ASTN1: variants seen among roughly 807,000 people sequenced by gnomAD.
ASTN1 encodes astrotactin 1.
In ASTN1, 41 loss-of-function variants were observed where a neutral mutation model predicts 140.7. The ratio of observed to expected loss-of-function variants is 0.29; its 90% CI spans 0.23 to 0.38. The LOEUF (loss-of-function observed/expected upper bound fraction) is 0.38. Among genes scored for constraint, ASTN1 ranks in the 10% least tolerant of loss-of-function variants. ASTN1 has a pLI of 1.00. For missense variants in ASTN1, 1,479 were observed against 1,678.8 expected, an observed-to-expected ratio of 0.88 and a Z score of 2.08; for synonymous variants, 640 against 652.2, an observed-to-expected ratio of 0.98 and a Z score of 0.29.
intron 1 of ASTN1, among the ~76,000 whole-genome samples, chr1:177,090,550 T>G (rs530508868): frequency 6.6e-6 from 1 of 152,172 alleles, no homozygotes; most frequent in South Asian, 2.1e-4. Context: ...AGCTTAAAAC[T>G]AGAAAAGATT....
chr1:176,925,895 T>A (rs6699378), intron 16 of ASTN1, among the ~76,000 whole-genome samples: 54,379 of 150,994 alleles, frequency 0.36, 10,412 homozygotes, highest in Non-Finnish European at 0.42. Flanking sequence ...AAGCTCTGCC[T>A]CCCGGGTTCA....
chr1:176,981,995 T>A (rs892699474), intron 8 of ASTN1, among the ~76,000 whole-genome samples: 2 of 152,094 alleles, frequency 1.3e-5, no homozygotes, highest in African/African-American at 4.8e-5. Flanking sequence ...GCTTGCGAAG[T>A]CAACAGGAGG....
At chr1:176,997,005 A>T (rs925468009) in intron 8 of ASTN1, among the ~76,000 whole-genome samples, 1 of 152,212 alleles carries the variant, frequency 6.6e-6, no homozygotes, top group Admixed American at 6.5e-5. Context: ...CTACCCAGGG[A>T]CTGTTGGCCA....
intron 16 of ASTN1, among the ~76,000 whole-genome samples, chr1:176,929,801 G>A (rs1671125672): frequency 1.3e-5 from 2 of 152,208 alleles, no homozygotes; most frequent in East Asian, 1.9e-4. Context: ...GAGGTCAAGA[G>A]ATCAAGACCA....
At chr1:176,955,137 C>T (rs984755397) in intron 11 of ASTN1, among the ~76,000 whole-genome samples, 1 of 152,130 alleles carries the variant, frequency 6.6e-6, no homozygotes. Context: ...TAAAAATAGG[C>T]CTTTCTTGGG....
At chr1:177,016,737 C>A (rs149215979) in intron 7 of ASTN1, among the ~76,000 whole-genome samples, 115 of 152,258 alleles carry the variant, frequency 7.6e-4, no homozygotes, top group African/African-American at 2.5e-3. Flanking sequence ...TTGACAAATA[C>A]TGTGCAGTAG....
intron 8 of ASTN1, among the ~76,000 whole-genome samples, chr1:176,965,441 G>C (rs1316111805): frequency 1.3e-5 from 2 of 152,120 alleles, no homozygotes; most frequent in Non-Finnish European, 2.9e-5. Context: ...AAAAATCACT[G>C]AACTACTAGG....
At chr1:176,952,684 A>G (rs1396478083) in intron 11 of ASTN1, among the ~76,000 whole-genome samples, 1 of 152,136 alleles carries the variant, frequency 6.6e-6, no homozygotes, top group Non-Finnish European at 1.5e-5. Flanking sequence ...GAGTCTCCAA[A>G]CCATGCCCTT....
At chr1:176,950,376 T>A (rs1042004788) in intron 11 of ASTN1, among the ~76,000 whole-genome samples, 3 of 152,206 alleles carry the variant, frequency 2.0e-5, no homozygotes, top group African/African-American at 7.2e-5. Flanking sequence ...GTGGAGTCCG[T>A]AACTTAGCTG....
intron 1 of ASTN1, among the ~76,000 whole-genome samples, chr1:177,149,014 G>A (rs1021805865): frequency 7.1e-6 from 1 of 140,824 alleles, no homozygotes; most frequent in Non-Finnish European, 1.5e-5. Context: ...ATCTAGAAGA[G>A]AGGAAGGAGA....
chr1:176,881,827 C>T (rs1668811676), intron 20 of ASTN1, among the ~76,000 whole-genome samples: 1 of 152,222 alleles, frequency 6.6e-6, no homozygotes, highest in African/African-American at 2.4e-5. Flanking sequence ...GTTCATCTTG[C>T]AATCAATGCC....
At chr1:177,060,480 A>G (rs563155255) in intron 2 of ASTN1, among the ~76,000 whole-genome samples, 3 of 152,158 alleles carry the variant, frequency 2.0e-5, no homozygotes, top group Non-Finnish European at 4.4e-5. Context: ...TAATTGGATA[A>G]TTCCCATCTA....
intron 20 of ASTN1, among the ~76,000 whole-genome samples, chr1:176,880,612 T>C (rs561572410): frequency 2.6e-5 from 4 of 152,296 alleles, no homozygotes; most frequent in African/African-American, 9.6e-5. Flanking sequence ...CTCAGAATAA[T>C]GTTTTAAAAA....
At chr1:176,902,179 G>GA (rs201186577) in intron 16 of ASTN1, among the ~76,000 whole-genome samples, 24,981 of 152,064 alleles carry the variant, frequency 0.16, 2,544 homozygotes, top group Middle Eastern at 0.27. Context: ...TGAATTTTTT[G>GA]TTTAATTGAT....
rs747846402 is a variant in ASTN1 at position 176,864,439 on chromosome 1, G to A, written c.3730C>T (p.Arg1244Trp). ...GLLQEPKISL[R>W]RSSLKYLGCR... The stretch of plus-strand genomic sequence containing the variant: ...CCCAGGTACTTGAGTGAGCTGCGCC[G>A]CAAGCTTATCTTGGGTTCCTGAAGG... Residue 1244 changes from arginine to tryptophan, a missense_variant, in exon 23 of 23, where the codon CGG (arginine) becomes TGG (tryptophan). Transcript: ENST00000361833. The A allele has an allele frequency of 2.2e-5, 36 of 1,614,016 alleles. No homozygotes were observed. The East Asian group carries it at 4.0e-4, about 18-fold the overall frequency.
chr1:177,149,791 CAGTGTATAT>C (rs1204921121), intron 1 of ASTN1, among the ~76,000 whole-genome samples: 4 of 98,416 alleles, frequency 4.1e-5, no homozygotes, highest in Admixed American at 1.1e-4. Context: ...AATATATATA[CAGTGTATAT>C]ACATAGTAAA....
intron 1 of ASTN1, among the ~76,000 whole-genome samples, chr1:177,121,705 C>T (rs11583666): frequency 0.051 from 7,776 of 152,152 alleles, 238 homozygotes; most frequent in Admixed American, 0.061. Flanking sequence ...TCACATTTCA[C>T]AATTCCATGA....
rs557964794 is a variant in ASTN1 at position 177,094,539 on chromosome 1, T to C, written c.284-33274A>G. 1.9e-3 allele frequency among the ~76,000 whole-genome samples: 295 copies of C among 152,312 alleles called. 1 individual carries two copies. Among genetic ancestry groups the C allele is most frequent in the African/African-American group, 6.9e-3 (285 of 41,574 alleles). On this transcript the variant is annotated intron_variant, in intron 1 of 22. Coordinates refer to ENST00000361833, the MANE Select transcript of ASTN1 (RefSeq NM_004319.3). ...GAGAAGCCACCATCTTTGAACCAAC[T>C]TACCCAACACCAAATGTGCTAGTGG...
intron 1 of ASTN1, among the ~76,000 whole-genome samples, chr1:177,149,485 A>AATATATATAGT (rs1682912382): frequency 7.7e-5 from 3 of 38,890 alleles, no homozygotes; most frequent in Admixed American, 3.9e-4. Context: ...ATATATAGTA[A>AATATATATAGT]ATATATATAG....
Sources: allele counts gnomAD v4.1 joint callset (sites outside exome capture counted in the v4.1 genomes callset), GRCh38; gene constraint gnomAD v4.1.1; transcripts MANE v1.5; gene names NCBI Gene and HGNC (gene_info 2026-07-23, HGNC 2026-07-21).